Variants in CCDC30 observed in about 807,000 individuals in gnomAD.
The protein encoded by CCDC30 is coiled-coil domain containing 30.
CCDC30 carries 70 observed loss-of-function variants against 100.2 expected under a neutral mutation model. That is an observed-to-expected ratio of 0.70 (90% CI 0.58 to 0.85). CCDC30 has a LOEUF of 0.85. Ranked by LOEUF, CCDC30 falls within the 40% of genes least tolerant of loss-of-function variation. CCDC30 has a pLI of 0.00. For missense variants in CCDC30, 652 were observed against 771.2 expected (o/e 0.85, Z 1.83); for synonymous variants, 233 against 269.5 (o/e 0.86, Z 1.33).
At chr1:42,567,562 G>A (rs77126955) in intron 7 of CCDC30, among the ~76,000 whole-genome samples, 4,552 of 152,126 alleles carry the variant, frequency 0.03, 240 homozygotes, top group African/African-American at 0.1. Flanking sequence ...TCGTATTCCG[G>A]GATTATTTGA....
intron 7 of CCDC30, chr1:42,571,503 G>T (rs1645732233): frequency 6.6e-6 from 1 of 151,262 alleles, no homozygotes; most frequent in Non-Finnish European, 1.5e-5. Context: ...AAAAAAAAAT[G>T]AACCAGAAGG....
chr1:42,517,410 T>A (rs1644571534), intron 6 of CCDC30, among the ~76,000 whole-genome samples: 1 of 152,216 alleles, frequency 6.6e-6, no homozygotes, highest in Non-Finnish European at 1.5e-5. Context: ...ATTCAAAAGT[T>A]TTTAGTTTTT....
chr1:42,462,796 C>T (rs1280964642), upstream of CCDC30, among the ~76,000 whole-genome samples: 1 of 152,018 alleles, frequency 6.6e-6, no homozygotes, highest in African/African-American at 2.4e-5. Context: ...GCCTTAGGGA[C>T]AATTCTAGTC....
intron 10 of CCDC30, among the ~76,000 whole-genome samples, chr1:42,600,789 G>A (rs902101478): frequency 4.7e-5 from 7 of 150,136 alleles, no homozygotes; most frequent in Non-Finnish European, 7.4e-5. Flanking sequence ...GTTTGAAAGT[G>A]TATAACATTT....
At chr1:42,641,994 G>T (rs1647449952) in intron 12 of CCDC30, among the ~76,000 whole-genome samples, 1 of 152,188 alleles carries the variant, frequency 6.6e-6, no homozygotes, top group East Asian at 1.9e-4. Context: ...GGGAGGCCAA[G>T]GTGGGCGGAT....
At chr1:42,490,604 C>A (rs939725330) in intron 4 of CCDC30, among the ~76,000 whole-genome samples, 4 of 151,966 alleles carry the variant, frequency 2.6e-5, no homozygotes, top group Admixed American at 6.6e-5. Context: ...GACAGGTACT[C>A]TGCCAGGCAC....
chr1:42,599,365 A>G (rs960442103), intron 10 of CCDC30, among the ~76,000 whole-genome samples: 1 of 152,234 alleles, frequency 6.6e-6, no homozygotes, highest in Non-Finnish European at 1.5e-5. Flanking sequence ...GGTTAGTTGT[A>G]TGTTATAAAT....
chr1:42,650,495 A>ATG (rs1367897512), intron 15 of CCDC30, among the ~76,000 whole-genome samples: 11 of 98,910 alleles, frequency 1.1e-4, no homozygotes, highest in Non-Finnish European at 2.3e-4. Context: ...AAAAAAATAT[A>ATG]TATGTGTGTG....
chr1:42,467,029 A>T (rs1331337217), intron 1 of CCDC30, among the ~76,000 whole-genome samples: 1 of 152,254 alleles, frequency 6.6e-6, no homozygotes, highest in Non-Finnish European at 1.5e-5. Flanking sequence ...TCATAGCACC[A>T]TTCCAGGTAG....
At chr1:42,637,634 T>C (rs548194588) in intron 12 of CCDC30, among the ~76,000 whole-genome samples, 1 of 152,228 alleles carries the variant, frequency 6.6e-6, no homozygotes, top group Admixed American at 6.5e-5. Flanking sequence ...TTTCTTCAGA[T>C]GGAAATGCCT....
chr1:42,573,497 T>A (rs916198479), intron 7 of CCDC30, among the ~76,000 whole-genome samples: 4 of 152,152 alleles, frequency 2.6e-5, no homozygotes, highest in African/African-American at 9.6e-5. Flanking sequence ...TGTATGTATA[T>A]GTTATTTTGG....
At chr1:42,641,951 C>T (rs764252806) in intron 12 of CCDC30, among the ~76,000 whole-genome samples, 3 of 152,100 alleles carry the variant, frequency 2.0e-5, no homozygotes, top group South Asian at 4.1e-4. Flanking sequence ...ATGGGCTGGG[C>T]ATGGTGGCTC....
chr1:42,634,162 G>A (rs949908077), intron 11 of CCDC30, among the ~76,000 whole-genome samples: 2 of 149,598 alleles, frequency 1.3e-5, no homozygotes, highest in Admixed American at 1.4e-4. Flanking sequence ...CAATAGTGAT[G>A]CACACCTCTA....
chr1:42,463,260 T>C (rs1032208768), upstream of CCDC30: 1 of 152,268 alleles, frequency 6.6e-6, no homozygotes, highest in African/African-American at 2.4e-5. Flanking sequence ...GAAGGACGCG[T>C]CTGCGTCTCT....
chr1:42,577,316 G>A, intron 8 of CCDC30, 87 bp downstream of exon 12: 1 of 856,998 alleles, frequency 1.2e-6, no homozygotes, highest in Non-Finnish European at 1.8e-6. Flanking sequence ...AAATAAATAT[G>A]ATGCAGACTT....
chr1:42,546,984 CAAAGT>C (rs1427279054), intron 6 of CCDC30, among the ~76,000 whole-genome samples: 30 of 152,096 alleles, frequency 2.0e-4, no homozygotes, highest in Non-Finnish European at 2.9e-4. Flanking sequence ...TAGATGTAGA[CAAAGT>C]TATATCTTTG....
intron 11 of CCDC30, among the ~76,000 whole-genome samples, chr1:42,634,261 A>AC (rs1557477677): frequency 3.6e-4 from 55 of 151,920 alleles, no homozygotes; most frequent in Middle Eastern, 3.4e-3. Flanking sequence ...AAAAAAAAAA[A>AC]AAAAAAAAAA....
At chr1:42,565,494 C>T (rs1033396325) in intron 6 of CCDC30, among the ~76,000 whole-genome samples, 1 of 152,144 alleles carries the variant, frequency 6.6e-6, no homozygotes, top group Non-Finnish European at 1.5e-5. Context: ...GAAATATCAC[C>T]TCACACCTAT....
chr1:42,585,696 G>A (rs1324511686), intron 9 of CCDC30, among the ~76,000 whole-genome samples: 1 of 151,778 alleles, frequency 6.6e-6, no homozygotes, highest in Non-Finnish European at 1.5e-5. Context: ...CAAGTTTTCT[G>A]CTATGTTGTA....
Sources: gnomAD v4.1 joint callset for allele counts (sites outside exome capture counted in the v4.1 genomes callset) on GRCh38, gnomAD v4.1.1 for gene constraint, MANE v1.5 for transcripts, NCBI Gene and HGNC (gene_info 2026-07-23, HGNC 2026-07-21) for gene names.